NLRP1: variants seen among roughly 807,000 people sequenced by gnomAD.
NLRP1 encodes NLR family pyrin domain containing 1, also known as NACHT, LRR and PYD domains-containing protein 1.
NLRP1 carries 94 observed loss-of-function variants against 136.7 expected under a neutral mutation model. That is an observed-to-expected ratio of 0.69 (90% CI 0.58 to 0.82). The LOEUF (loss-of-function observed/expected upper bound fraction) is 0.82. Ranked by LOEUF, NLRP1 falls within the 40% of genes least tolerant of loss-of-function variation. The pLI is 0.00. For synonymous variants in NLRP1, 690 were observed against 725.1 expected, an observed-to-expected ratio of 0.95 and a Z score of 0.78; for missense variants, 1,575 against 1,802.7, an observed-to-expected ratio of 0.87 and a Z score of 2.29.
chr17:5,502,032 A>G, intron 15 of NLRP1: 1 of 634,900 alleles, frequency 1.6e-6, no homozygotes, highest in Non-Finnish European at 2.9e-6. Context: ...AACCAAGGCC[A>G]GGATGCTGAA....
In NLRP1 at chr17:5,559,912, T is replaced by C; in HGVS notation, c.784A>G (p.Ser262Gly). ...TTCCAGGGCCATGTGGAACAGAGGC[T>C]CTCTCTCACAGAAGGCTCCCATGGG... is the stretch of plus-strand genomic sequence containing the variant. ...HHPWEPSVRESLCSTWPWKNE... is the reference protein window; with the variant it reads ...HHPWEPSVREGLCSTWPWKNE... Residue 262 changes from serine to glycine, a missense_variant, in exon 4 of 17, where the codon AGC becomes GGC. By Grantham distance (56) the Ser-to-Gly change is moderately conservative (BLOSUM62 0). Coordinates refer to ENST00000572272, the MANE Select transcript of NLRP1 (RefSeq NM_033004.4). The C allele has an allele frequency of 6.2e-7, 1 of 1,614,180 alleles. No individual in the cohort carries two copies. The highest frequency in any genetic ancestry group is 2.2e-5 in the East Asian group (1 of 44,874).
At chr17:5,574,858 G>T (rs1316740976) in intron 3 of NLRP1, among the ~76,000 whole-genome samples, 2 of 151,842 alleles carry the variant, frequency 1.3e-5, no homozygotes, top group Non-Finnish European at 2.9e-5. Context: ...TAGAGATGGG[G>T]TTTCACCATG....
chr17:5,578,621 G>A (rs1334625402), intron 3 of NLRP1, among the ~76,000 whole-genome samples: 1 of 152,238 alleles, frequency 6.6e-6, no homozygotes, highest in South Asian at 2.1e-4. Context: ...ACAGGTGCTG[G>A]AGAGGATGTG....
chr17:5,515,966 A>C (rs1028378769), intron 15 of NLRP1, among the ~76,000 whole-genome samples: 2 of 152,194 alleles, frequency 1.3e-5, no homozygotes, highest in Non-Finnish European at 2.9e-5. Flanking sequence ...TACGTTCTGG[A>C]TTTGGATGTC....
At chr17:5,563,648 C>T (rs957713756) in intron 3 of NLRP1, among the ~76,000 whole-genome samples, 12 of 152,264 alleles carry the variant, frequency 7.9e-5, no homozygotes, top group East Asian at 3.9e-4. Flanking sequence ...ATCTATGACT[C>T]GCTGGCATCC....
chr17:5,556,161 C>CACACACAT (rs908575596), intron 4 of NLRP1, among the ~76,000 whole-genome samples: 4 of 118,408 alleles, frequency 3.4e-5, no homozygotes, highest in Middle Eastern at 5.4e-3. Flanking sequence ...CACACACACA[C>CACACACAT]ATGAAGGGCT....
intron 8 of NLRP1, among the ~76,000 whole-genome samples, chr17:5,536,131 CCACT>C (rs1238135352): frequency 6.6e-6 from 1 of 151,836 alleles, no homozygotes; most frequent in African/African-American, 2.4e-5. Context: ...GCTCACCCAC[CCACT>C]GACTTTTTCT....
At chr17:5,571,105 T>C (rs990614680) in intron 3 of NLRP1, among the ~76,000 whole-genome samples, 4 of 152,176 alleles carry the variant, frequency 2.6e-5, no homozygotes, top group Non-Finnish European at 5.9e-5. Context: ...TGAAGGAGCA[T>C]ACCTCAAAAT....
intron 2 of NLRP1, 42 bp downstream of exon 2, chr17:5,582,628 C>T: frequency 6.3e-7 from 1 of 1,595,556 alleles, no homozygotes; most frequent in Non-Finnish European, 8.6e-7. Flanking sequence ...AGCTGATTCA[C>T]AGCTCCACCC....
chr17:5,512,632 G>A (rs1039453855), downstream of NLRP1: 1 of 428,920 alleles, frequency 2.3e-6, no homozygotes, highest in Non-Finnish European at 4.4e-6. Flanking sequence ...TCTCATGGGT[G>A]TGTGACCTGT....
chr17:5,539,621 C>T (rs1161363001), intron 6 of NLRP1, 36 bp from the exon 7 acceptor site: 1 of 1,540,406 alleles, frequency 6.5e-7, no homozygotes. Context: ...AGGTCATTGT[C>T]CTAAGGGCTC....
At chr17:5,517,979 T>C in intron 14 of NLRP1, 92 bp from the exon 15 acceptor site, 2 of 1,234,612 alleles carry the variant, frequency 1.6e-6, no homozygotes, top group East Asian at 4.7e-5. Flanking sequence ...CTTGGCTCCA[T>C]AAGGACACTC....
chr17:5,517,362 C>CGCCCG (rs1294248524), intron 15 of NLRP1, among the ~76,000 whole-genome samples: 4 of 61,570 alleles, frequency 6.5e-5, no homozygotes, highest in South Asian at 4.9e-4. Flanking sequence ...CCCCCCCCCT[C>CGCCCG]CCACATACAC....
At chr17:5,510,609 C>T (rs936624095), downstream of NLRP1, among the ~76,000 whole-genome samples, 5 of 152,070 alleles carry the variant, frequency 3.3e-5, no homozygotes, top group Non-Finnish European at 7.4e-5. Context: ...TCAGGTGATC[C>T]GTCCGCCTTG....
intron 3 of NLRP1, among the ~76,000 whole-genome samples, chr17:5,575,511 C>T (rs560939793): frequency 1.3e-5 from 2 of 151,950 alleles, no homozygotes; most frequent in Non-Finnish European, 2.9e-5. Flanking sequence ...CCAACAAAGA[C>T]TAAAAGAGAC....
intron 15 of NLRP1, among the ~76,000 whole-genome samples, chr17:5,507,244 A>G (rs188032886): frequency 2.6e-5 from 4 of 152,370 alleles, no homozygotes; most frequent in African/African-American, 9.6e-5. Context: ...TATTATAGAT[A>G]TATTCAACTA....
chr17:5,510,532 G>T (rs182674143), downstream of NLRP1, among the ~76,000 whole-genome samples: 1,391 of 151,528 alleles, frequency 9.2e-3, 21 homozygotes, highest in African/African-American at 0.032. Context: ...GCTAATTTTT[G>T]TATTTTTGTA....
At chr17:5,558,304 G>C in intron 4 of NLRP1, 35 bp downstream of exon 4, 1 of 1,560,498 alleles carries the variant, frequency 6.4e-7, no homozygotes, top group Non-Finnish European at 8.7e-7. Context: ...TGGACTGACA[G>C]AGGAGCTGCA....
At position 5,546,945 on chromosome 17, in the gene NLRP1, C is replaced by A. The variant is rs559975452; in HGVS notation, c.2529-4918G>T. On this transcript the variant is annotated intron_variant, in intron 5 of 16. Transcript: ENST00000572272. Reference sequence around the variant, plus strand: ...TTCTTTCTTTTTATGGTGCTACCCCCAGTGAGCCAGAATTAATCAGGCCCC... The same window carrying A: ...TTCTTTCTTTTTATGGTGCTACCCCAAGTGAGCCAGAATTAATCAGGCCCC... Among the ~76,000 whole-genome samples, 1,405 of 152,200 alleles carry A rather than the reference C, an allele frequency of 9.2e-3. 17 individuals are homozygous for A. Among genetic ancestry groups the A allele is most frequent in the Non-Finnish European group, 0.014 (975 of 68,016 alleles).
Sources: allele counts gnomAD v4.1 joint callset (sites outside exome capture counted in the v4.1 genomes callset), GRCh38; gene constraint gnomAD v4.1.1; transcripts MANE v1.5; gene names NCBI Gene and HGNC (gene_info 2026-07-23, HGNC 2026-07-21).